Variants in NDST4 observed in about 807,000 individuals in gnomAD.
NDST4 encodes the protein N-deacetylase and N-sulfotransferase 4.
A neutral mutation model predicts 100.8 loss-of-function variants in NDST4; 63 were observed. That is an observed-to-expected ratio of 0.62 (90% confidence interval 0.51 to 0.77). The LOEUF (loss-of-function observed/expected upper bound fraction) is 0.77, where lower values mean the gene tolerates loss of function less well. NDST4 is among the 30% of genes least tolerant of loss of function. The pLI is 0.00. For missense variants in NDST4, 943 were observed against 1,018.4 expected (o/e 0.93, Z 1.01); for synonymous variants, 377 against 361.8 (o/e 1.04, Z -0.48).
chr4:115,028,541 A>G (rs189042893), intron 2 of NDST4, among the ~76,000 whole-genome samples: 14 of 151,860 alleles, frequency 9.2e-5, no homozygotes, highest in East Asian at 7.7e-4. Flanking sequence ...TTCCTGGAGA[A>G]GAATACCAAA....
At chr4:115,099,880 T>C (rs1370780276) in intron 1 of NDST4, among the ~76,000 whole-genome samples, 1 of 152,132 alleles carries the variant, frequency 6.6e-6, no homozygotes, top group Non-Finnish European at 1.5e-5. Context: ...TGCAGCTTTA[T>C]TTATAGATGC....
At chr4:114,956,430 T>C (rs997261996) in intron 4 of NDST4, among the ~76,000 whole-genome samples, 32 of 152,190 alleles carry the variant, frequency 2.1e-4, no homozygotes, top group African/African-American at 7.7e-4. Flanking sequence ...AGGCTGTTGT[T>C]ATCATAATTA....
At chr4:114,913,568 C>A (rs1045304024) in intron 6 of NDST4, among the ~76,000 whole-genome samples, 39 of 151,860 alleles carry the variant, frequency 2.6e-4, no homozygotes, top group African/African-American at 5.8e-4. Context: ...TTGATATAAT[C>A]AATTTCTTCA....
chr4:114,935,103 C>T, intron 6 of NDST4, 103 bp downstream of exon 6: 1 of 919,776 alleles, frequency 1.1e-6, no homozygotes, highest in Non-Finnish European at 1.5e-6. Flanking sequence ...GTAAGATGTG[C>T]TGTAAATAAA....
chr4:114,835,833 TC>T (rs1203493400), intron 11 of NDST4, among the ~76,000 whole-genome samples: 3 of 152,254 alleles, frequency 2.0e-5, no homozygotes, highest in African/African-American at 7.2e-5. Context: ...AGTTAGATCT[TC>T]TTGTTGCGTT....
At chr4:114,926,159 C>T (rs1489350957) in intron 6 of NDST4, among the ~76,000 whole-genome samples, 1 of 152,000 alleles carries the variant, frequency 6.6e-6, no homozygotes, top group Admixed American at 6.6e-5. Flanking sequence ...AAGTGTGGAA[C>T]AGTGCAGAAA....
At chr4:114,941,466 A>G (rs1725748789) in intron 4 of NDST4, among the ~76,000 whole-genome samples, 1 of 152,108 alleles carries the variant, frequency 6.6e-6, no homozygotes, top group African/African-American at 2.4e-5. Context: ...AACAAAGTCT[A>G]CATTTCTCAA....
intron 2 of NDST4, among the ~76,000 whole-genome samples, chr4:115,057,969 T>C (rs2126282063): frequency 6.6e-6 from 1 of 152,276 alleles, no homozygotes; most frequent in South Asian, 2.1e-4. Flanking sequence ...TATGTATAAC[T>C]GTAAGCATGT....
rs992951422 is a variant in NDST4 at position 114,983,140 on chromosome 4, G to C, written c.979-5866C>G. On this transcript the variant is annotated intron_variant, in intron 2 of 13. Coordinates refer to ENST00000264363, the MANE Select transcript of NDST4 (RefSeq NM_022569.3). ...GCCCTCATGGAGAATTTCTACCAGGGCAGTGCAGAGGGGAAATGTGGGGTT... is the reference window on the plus strand; with the variant it reads ...GCCCTCATGGAGAATTTCTACCAGGCCAGTGCAGAGGGGAAATGTGGGGTT... 3.2e-4 allele frequency among the ~76,000 whole-genome samples: 49 copies of C among 152,222 alleles called. 1 individual carries two copies. The highest frequency in any genetic ancestry group is 1.2e-3 in the African/African-American group (48 of 41,456).
rs1268818297 is a variant in NDST4, at chr4:114,978,113, T to C, written c.979-839A>G. On this transcript the variant is annotated intron_variant, in intron 2 of 13. Coordinates refer to ENST00000264363, the MANE Select transcript of NDST4 (RefSeq NM_022569.3). ...TTTAGTTTGCTTACTGGTATGCATA[T>C]TGATTCAGAATGCTTTTTCTATTTT... Among the ~76,000 whole-genome samples the C allele has an allele frequency of 2.0e-5, 3 of 152,152 alleles. No homozygotes were observed. The East Asian group carries it at 5.8e-4, about 29-fold the overall frequency.
intron 1 of NDST4, among the ~76,000 whole-genome samples, chr4:115,080,513 G>T (rs1729278865): frequency 6.6e-6 from 1 of 152,028 alleles, no homozygotes; most frequent in African/African-American, 2.4e-5. Context: ...AACCAAATTG[G>T]ATTGCATTTT....
At chr4:115,065,460 A>T (rs1039357503) in intron 2 of NDST4, among the ~76,000 whole-genome samples, 3 of 152,180 alleles carry the variant, frequency 2.0e-5, no homozygotes, top group African/African-American at 7.2e-5. Context: ...GCCATATATT[A>T]GACAACTATC....
chr4:115,025,840 T>C (rs1171447373), intron 2 of NDST4, among the ~76,000 whole-genome samples: 1 of 152,184 alleles, frequency 6.6e-6, no homozygotes, highest in African/African-American at 2.4e-5. Flanking sequence ...TGCGGTACGA[T>C]TTTATTGATA....
At chr4:115,056,808 T>C (rs373634791) in intron 2 of NDST4, among the ~76,000 whole-genome samples, 2 of 152,196 alleles carry the variant, frequency 1.3e-5, no homozygotes, top group Non-Finnish European at 2.9e-5. Flanking sequence ...CAAAGACCAA[T>C]TGATGTTCTT....
chr4:115,000,285 G>A (rs1727257895), intron 2 of NDST4, among the ~76,000 whole-genome samples: 1 of 151,620 alleles, frequency 6.6e-6, no homozygotes, highest in South Asian at 2.1e-4. Flanking sequence ...ATGTAAGAAA[G>A]TAAAGTATCT....
chr4:114,929,109 CATCCATCT>C (rs1367247220), intron 6 of NDST4, among the ~76,000 whole-genome samples: 1,854 of 110,928 alleles, frequency 0.017, 17 homozygotes, highest in Admixed American at 0.021. Context: ...TCCATCCATC[CATCCATCT>C]ATCTATCTAT....
chr4:115,041,706 G>T (rs1172943796), intron 2 of NDST4, among the ~76,000 whole-genome samples: 13 of 151,698 alleles, frequency 8.6e-5, no homozygotes, highest in Non-Finnish European at 1.0e-4. Flanking sequence ...ATTATAACCA[G>T]AATTTGGTGT....
At chr4:115,000,389 T>C (rs556962418) in intron 2 of NDST4, among the ~76,000 whole-genome samples, 2 of 152,164 alleles carry the variant, frequency 1.3e-5, no homozygotes, top group African/African-American at 4.8e-5. Context: ...AGAATTCTGC[T>C]AAGAAATCAA....
intron 7 of NDST4, among the ~76,000 whole-genome samples, chr4:114,862,858 T>C (rs1468662287): frequency 1.3e-5 from 2 of 152,292 alleles, no homozygotes; most frequent in South Asian, 2.1e-4. Context: ...CTGTTCCAAA[T>C]ATTTTTATTA....
Sources: gnomAD v4.1 joint callset for allele counts (sites outside exome capture counted in the v4.1 genomes callset) on GRCh38, gnomAD v4.1.1 for gene constraint, MANE v1.5 for transcripts, NCBI Gene and HGNC (gene_info 2026-07-23, HGNC 2026-07-21) for gene names.